The following PLA2G6 variants were observed in gnomAD, a reference collection of about 807,000 sequenced individuals.
PLA2G6 encodes the protein 85/88 kDa calcium-independent phospholipase A2.
In PLA2G6, 62 loss-of-function variants were observed where a neutral mutation model predicts 83.8. That is an observed-to-expected ratio of 0.74 (90% CI 0.60 to 0.91). The LOEUF is 0.91. Among genes scored for constraint, PLA2G6 ranks in the 40% least tolerant of loss-of-function variants. The pLI, the probability that PLA2G6 is intolerant of heterozygous loss-of-function variation, is 0.00. For synonymous variants in PLA2G6, 417 were observed against 449.8 expected, an observed-to-expected ratio of 0.93 and a Z score of 0.92; for missense variants, 944 against 1,102.0, an observed-to-expected ratio of 0.86 and a Z score of 2.03.
At position 38,132,756 on chromosome 22, in the gene PLA2G6, A is replaced by G; in HGVS notation, c.1077+75T>C. On this transcript the variant is annotated intron_variant, in intron 7 of 16. Transcript: ENST00000332509. The surrounding 1 kb of genome is among the most constrained non-coding windows in gnomAD (Gnocchi z 5.0). ...CGATAGGAGGGAGACAGTGGGGAGG[A>G]GGGCTCCAGTCCGGACAGCCCTCCT... The G allele has an allele frequency of 7.8e-7, 1 of 1,284,522 alleles. No individual in the cohort carries two copies. Among genetic ancestry groups the G allele is most frequent in the Non-Finnish European group, 1.1e-6 (1 of 923,450 alleles). The allele number at this position is 1,284,522 out of a possible 1,614,324, so 79.6% of individuals were successfully genotyped here.
chr22:38,115,542 C>T lies in PLA2G6; in HGVS notation c.2019G>A (p.Gln673=). 1.9e-6 allele frequency: 3 copies of T among 1,613,508 alleles called. No individual in the cohort carries two copies. Among genetic ancestry groups the T allele is most frequent in the Non-Finnish European group, 2.5e-6 (3 of 1,179,860 alleles). Residue 673 remains glutamine (Q), a synonymous_variant, in exon 14 of 17, where the codon CAG becomes CAA. Transcript: ENST00000332509. ...DAMTEIHEYN[Q]DLIRKGQANK... ...CGGCACTCACCTTGCGGATCAGGTC[C>T]TGATTGTACTCATGGATCTCGGTCA... is the stretch of plus-strand genomic sequence containing the variant.
intron 1 of PLA2G6, among the ~76,000 whole-genome samples, chr22:38,177,444 C>T (rs945925232): frequency 6.7e-5 from 10 of 148,332 alleles, no homozygotes; most frequent in Non-Finnish European, 1.2e-4. Flanking sequence ...ACCACAGTTT[C>T]GGGTAAATTG....
At chr22:38,178,112 G>A (rs1441031947) in intron 1 of PLA2G6, among the ~76,000 whole-genome samples, 3 of 152,148 alleles carry the variant, frequency 2.0e-5, no homozygotes, top group Non-Finnish European at 2.9e-5. Context: ...AAACTGCCCC[G>A]AAACTGTCAC....
In PLA2G6 at chr22:38,167,932, G is replaced by A. The variant is rs561991470; in HGVS notation, c.209+1286C>T. On this transcript the variant is annotated intron_variant, in intron 2 of 16. Transcript: ENST00000332509. ...CCTGCATGCACCTGGGATCCAACCA[G>A]AGCCACCTGCCTGCAGGCTCACACC... 3 of 169,826 alleles carry A rather than the reference G, an allele frequency of 1.8e-5. No individual in the cohort carries two copies. In the South Asian group the frequency reaches 6.1e-4, roughly 34 times the overall value. 10.5% of individuals were successfully genotyped at this position (169,826 alleles called of 1,614,324 possible).
chr22:38,116,215 G>T lies in PLA2G6; in HGVS notation c.1743-4C>A. 2 of 1,613,948 alleles carry T rather than the reference G, an allele frequency of 1.2e-6. No individual in the cohort carries two copies. Among genetic ancestry groups the T allele is most frequent in the Non-Finnish European group, 1.7e-6 (2 of 1,179,956 alleles). On this transcript the variant is annotated splice_polypyrimidine_tract_variant and splice_region_variant and intron_variant, in intron 12 of 16. Coordinates refer to ENST00000332509, the MANE Select transcript of PLA2G6 (RefSeq NM_003560.4). ...CAGTGTCCCTGTCAGCATCACCCTG[G>T]AGAGAAATGAGGCAGGAGGACGGCT...
chr22:38,112,725 C>A (rs942189634), intron 15 of PLA2G6, 148 bp from the exon 16 acceptor site: 11 of 701,954 alleles, frequency 1.6e-5, no homozygotes, highest in Non-Finnish European at 2.6e-5. Context: ...CAGAGCGGCT[C>A]GGGCAAAACC....
At chr22:38,170,954 T>C (rs2145936685) in intron 1 of PLA2G6, among the ~76,000 whole-genome samples, 1 of 152,268 alleles carries the variant, frequency 6.6e-6, no homozygotes, top group Middle Eastern at 3.4e-3. Flanking sequence ...GCGGATCACC[T>C]GAGGTCAGGA....
intron 6 of PLA2G6, chr22:38,133,878 T>TCAA (rs1043281356): frequency 2.0e-5 from 3 of 153,034 alleles, no homozygotes; most frequent in Admixed American, 6.5e-5. Context: ...TCCATCATCA[T>TCAA]CATCATCATC....
intron 9 of PLA2G6, chr22:38,127,432 A>ACCAT (rs1569257624): frequency 7.5e-7 from 1 of 1,331,144 alleles, no homozygotes; most frequent in Non-Finnish European, 1.0e-6. Flanking sequence ...CCCCAGGCCC[A>ACCAT]CCATCCGGCC....
chr22:38,177,167 T>C (rs2090666977), intron 1 of PLA2G6, among the ~76,000 whole-genome samples: 1 of 152,092 alleles, frequency 6.6e-6, no homozygotes, highest in Admixed American at 6.6e-5. Context: ...GCCTATGTCC[T>C]CTGACTCTTG....
At chr22:38,149,389 T>A (rs1173031852) in intron 2 of PLA2G6, 4 of 152,138 alleles carry the variant, frequency 2.6e-5, no homozygotes, top group African/African-American at 9.7e-5. Flanking sequence ...AGAATTTTGG[T>A]GAAGAGTTTT....
chr22:38,112,647 C>CCTGCA (rs1230733299), intron 15 of PLA2G6, 70 bp from the exon 16 acceptor site: 2 of 1,332,400 alleles, frequency 1.5e-6, no homozygotes, highest in Non-Finnish European at 2.1e-6. Context: ...CCGGCCCTGC[C>CCTGCA]CTGCACTCTC....
chr22:38,115,886 G>C, intron 13 of PLA2G6, 189 bp downstream of exon 13: 1 of 1,476,760 alleles, frequency 6.8e-7, no homozygotes, highest in Non-Finnish European at 9.0e-7. Context: ...ACTTTCCAGG[G>C]ACTTTTCTAA....
At chr22:38,166,963 G>A (rs1377007722) in intron 2 of PLA2G6, among the ~76,000 whole-genome samples, 2 of 151,336 alleles carry the variant, frequency 1.3e-5, no homozygotes, top group East Asian at 2.0e-4. Flanking sequence ...AAAACATCCT[G>A]TAAAATTGTA....
intron 2 of PLA2G6, among the ~76,000 whole-genome samples, chr22:38,165,591 T>C (rs532251171): frequency 3.2e-4 from 48 of 152,248 alleles, no homozygotes; most frequent in African/African-American, 1.1e-3. Context: ...AACAGGAAGC[T>C]GGCCGGGCGC....
chr22:38,151,715 C>T (rs879615587), intron 2 of PLA2G6, among the ~76,000 whole-genome samples: 16 of 152,134 alleles, frequency 1.1e-4, no homozygotes, highest in African/African-American at 3.4e-4. Context: ...CACACAGCAT[C>T]GAAGCCTGGA....
In PLA2G6 at chr22:38,128,451, G is replaced by A. The variant is rs371550933; in HGVS notation, c.1187-21C>T. On this transcript the variant is annotated intron_variant, in intron 8 of 16. Coordinates refer to ENST00000332509, the MANE Select transcript of PLA2G6 (RefSeq NM_003560.4). This position sits in a 1 kb window ranked among gnomAD's most constrained non-coding sequence, Gnocchi z 4.4. Reference sequence around the variant, plus strand: ...GACAACTTGTCATGGTTTGGGGAAGGGGAGATGGCACAGGATCAGAAATGA... The same window carrying A: ...GACAACTTGTCATGGTTTGGGGAAGAGGAGATGGCACAGGATCAGAAATGA... 1.4e-5 allele frequency: 22 copies of A among 1,613,480 alleles called. No individual in the cohort carries two copies. Among genetic ancestry groups the A allele is most frequent in the Non-Finnish European group, 1.8e-5 (21 of 1,179,656 alleles).
At position 38,143,092 on chromosome 22, in the gene PLA2G6, T is replaced by C. The variant is rs1303955461; in HGVS notation, c.609+13A>G. On this transcript the variant is annotated intron_variant, in intron 4 of 16. Coordinates refer to ENST00000332509, the MANE Select transcript of PLA2G6 (RefSeq NM_003560.4). ...GTATCAGTACCAGTCACCCTGCCCC[T>C]CCCCCTGCTCACCTGCAGCACCTGA... The C allele has an allele frequency of 5.0e-6, 8 of 1,610,426 alleles. No homozygotes were observed. The highest frequency in any genetic ancestry group is 8.5e-7 in the Non-Finnish European group (1 of 1,176,926).
chr22:38,179,588 A>T (rs1164220996), intron 1 of PLA2G6, among the ~76,000 whole-genome samples: 7 of 152,154 alleles, frequency 4.6e-5, no homozygotes, highest in Non-Finnish European at 1.0e-4. Flanking sequence ...GTTCGAGACC[A>T]GCCTGGCCAA....
Sources: gnomAD v4.1 joint callset for allele counts (sites outside exome capture counted in the v4.1 genomes callset) on GRCh38, gnomAD v4.1.1 for gene constraint, Gnocchi (gnomAD v3.1) non-coding constraint, MANE v1.5 for transcripts, NCBI Gene and HGNC (gene_info 2026-07-23, HGNC 2026-07-21) for gene names.